Variants in GPC6 observed in about 807,000 individuals in gnomAD.
The protein encoded by GPC6 is glypican-6.
GPC6 carries 14 observed loss-of-function variants against 55.2 expected under a neutral mutation model. The observed-to-expected ratio is 0.25, with a 90% CI of 0.17 to 0.40. GPC6 has a LOEUF of 0.40. Among genes scored for constraint, GPC6 ranks in the 10% least tolerant of loss-of-function variants. GPC6 has a pLI of 1.00. For synonymous variants in GPC6, 278 were observed against 259.6 expected, an observed-to-expected ratio of 1.07 and a Z score of -0.68; for missense variants, 641 against 708.5, an observed-to-expected ratio of 0.90 and a Z score of 1.08.
chr13:93,244,673 G>A (rs779080341), intron 1 of GPC6, among the ~76,000 whole-genome samples: 66 of 152,306 alleles, frequency 4.3e-4, no homozygotes, highest in Non-Finnish European at 7.6e-4. Flanking sequence ...TGGATTAAGC[G>A]GCTCCCCAGT....
At chr13:93,613,247 T>C (rs1878562287) in intron 2 of GPC6, among the ~76,000 whole-genome samples, 1 of 151,982 alleles carries the variant, frequency 6.6e-6, no homozygotes, top group Non-Finnish European at 1.5e-5. Context: ...CATAAAGAAA[T>C]GAGTAAAACA....
At chr13:93,828,083 AG>A (rs757502749) in intron 2 of GPC6, among the ~76,000 whole-genome samples, 1 of 152,058 alleles carries the variant, frequency 6.6e-6, no homozygotes, top group Non-Finnish European at 1.5e-5. Flanking sequence ...TCATTGCTGA[AG>A]GCAGTATTCT....
intron 1 of GPC6, among the ~76,000 whole-genome samples, chr13:93,413,442 C>T (rs951668759): frequency 2.0e-5 from 3 of 152,116 alleles, no homozygotes; most frequent in Admixed American, 1.3e-4. Context: ...TATATAACTG[C>T]GTGTGAGATT....
chr13:93,537,099 C>A (rs12869656), intron 1 of GPC6, among the ~76,000 whole-genome samples: 57,460 of 151,988 alleles, frequency 0.38, 13,023 homozygotes, highest in Middle Eastern at 0.57. Flanking sequence ...CCTGAAGACA[C>A]CTCCATCACC....
chr13:93,627,198 C>T (rs1489353993), intron 2 of GPC6, among the ~76,000 whole-genome samples: 1 of 151,994 alleles, frequency 6.6e-6, no homozygotes, highest in Non-Finnish European at 1.5e-5. Flanking sequence ...GTTCCCCTCC[C>T]TGTGTCCATG....
intron 2 of GPC6, among the ~76,000 whole-genome samples, chr13:93,609,607 GT>G (rs1878383886): frequency 6.6e-6 from 1 of 152,076 alleles, no homozygotes; most frequent in African/African-American, 2.4e-5. Context: ...CCTCCCCACT[GT>G]TTTTGGTTTT....
At chr13:94,343,696 A>G (rs1878148170) in intron 6 of GPC6, among the ~76,000 whole-genome samples, 1 of 152,180 alleles carries the variant, frequency 6.6e-6, no homozygotes, top group African/African-American at 2.4e-5. Flanking sequence ...AAGGGAATGA[A>G]TCAACTTTGA....
chr13:93,334,973 C>A (rs1046603343), intron 1 of GPC6, among the ~76,000 whole-genome samples: 2 of 152,162 alleles, frequency 1.3e-5, no homozygotes, highest in African/African-American at 4.8e-5. Context: ...TTTGACACCT[C>A]AAATAAATAT....
At chr13:93,769,863 A>G (rs1885235887) in intron 2 of GPC6, among the ~76,000 whole-genome samples, 1 of 152,210 alleles carries the variant, frequency 6.6e-6, no homozygotes, top group South Asian at 2.1e-4. Flanking sequence ...CACCTGGAAA[A>G]TTGTTAAAGC....
chr13:93,431,019 G>A (rs1259138676), intron 1 of GPC6, among the ~76,000 whole-genome samples: 5 of 151,488 alleles, frequency 3.3e-5, no homozygotes, highest in African/African-American at 1.2e-4. Context: ...CTACCATTAC[G>A]TGTTTGGAGA....
chr13:93,312,194 A>G (rs1879093182), intron 1 of GPC6, among the ~76,000 whole-genome samples: 1 of 152,130 alleles, frequency 6.6e-6, no homozygotes. Flanking sequence ...TTTGTCTGAT[A>G]AATTATCTCT....
chr13:93,931,744 A>G (rs374486822), intron 3 of GPC6, among the ~76,000 whole-genome samples: 57 of 146,870 alleles, frequency 3.9e-4, no homozygotes, highest in African/African-American at 1.4e-3. Context: ...AGCCTGGGAG[A>G]CAGAGCAAGA....
intron 3 of GPC6, among the ~76,000 whole-genome samples, chr13:93,865,123 G>C (rs766760577): frequency 6.6e-6 from 1 of 151,606 alleles, no homozygotes; most frequent in African/African-American, 2.4e-5. Context: ...TGTTTTAGAA[G>C]ATATGGTTTG....
chr13:93,606,090 T>A (rs1299233517), intron 2 of GPC6, among the ~76,000 whole-genome samples: 1 of 152,162 alleles, frequency 6.6e-6, no homozygotes, highest in Non-Finnish European at 1.5e-5. Flanking sequence ...TTAGCTATTA[T>A]CATTAGATCA....
At chr13:93,965,770 G>A (rs1228476539) in intron 3 of GPC6, among the ~76,000 whole-genome samples, 1 of 152,064 alleles carries the variant, frequency 6.6e-6, no homozygotes, top group Admixed American at 6.5e-5. Flanking sequence ...AGCCTCTTAG[G>A]TCACCTCAGA....
At chr13:94,342,988 T>C (rs1485364468) in intron 6 of GPC6, among the ~76,000 whole-genome samples, 1 of 152,204 alleles carries the variant, frequency 6.6e-6, no homozygotes, top group Non-Finnish European at 1.5e-5. Flanking sequence ...TTTTCACAAA[T>C]TAAACTGGAA....
chr13:93,551,918 C>G (rs755704752), intron 2 of GPC6, among the ~76,000 whole-genome samples: 1 of 152,168 alleles, frequency 6.6e-6, no homozygotes, highest in Non-Finnish European at 1.5e-5. Flanking sequence ...CATACACACA[C>G]AAACACTACA....
At chr13:93,624,114 CTT>C (rs34693901) in intron 2 of GPC6, among the ~76,000 whole-genome samples, 29 of 141,938 alleles carry the variant, frequency 2.0e-4, no homozygotes, top group East Asian at 1.4e-3. Flanking sequence ...CAAATTTCAA[CTT>C]TTTTTTTTTT....
chr13:93,776,993 A>G (rs540879232), intron 2 of GPC6, among the ~76,000 whole-genome samples: 3 of 152,294 alleles, frequency 2.0e-5, no homozygotes, highest in East Asian at 3.9e-4. Flanking sequence ...TTCCTTATCC[A>G]TAGAGATATC....
Sources: allele counts gnomAD v4.1 joint callset (sites outside exome capture counted in the v4.1 genomes callset), GRCh38; gene constraint gnomAD v4.1.1; transcripts MANE v1.5; gene names NCBI Gene and HGNC (gene_info 2026-07-23, HGNC 2026-07-21).